FAM114A2: variants seen among roughly 807,000 people sequenced by gnomAD.
FAM114A2 encodes protein FAM114A2.
FAM114A2 carries 53 observed loss-of-function variants against 58.4 expected under a neutral mutation model. The ratio of observed to expected loss-of-function variants is 0.91; its 90% CI spans 0.73 to 1.14. FAM114A2 has a LOEUF of 1.14. FAM114A2 is among the 50% of genes most tolerant of loss of function. FAM114A2 has a pLI of 0.00. For synonymous variants in FAM114A2, 228 were observed against 211.4 expected, an observed-to-expected ratio of 1.08 and a Z score of -0.68; for missense variants, 601 against 581.1, an observed-to-expected ratio of 1.03 and a Z score of -0.35.
chr5:154,004,232 T>C (rs1330682052), intron 9 of FAM114A2, among the ~76,000 whole-genome samples: 1 of 152,190 alleles, frequency 6.6e-6, no homozygotes, highest in Non-Finnish European at 1.5e-5. Context: ...TTTTCTTTGG[T>C]TTTTGTAACC....
At position 153,992,812 on chromosome 5, in the gene FAM114A2, C is replaced by T; in HGVS notation, c.*164G>A. ...AAAGAATACTGTGAGAACCTGAATA[C>T]TTCAATCAAACACTGAAGGCAACAA... On this transcript the variant is annotated 3_prime_UTR_variant, in exon 14 of 14. Transcript: ENST00000351797. 2.0e-6 allele frequency: 1 copy of T among 507,846 alleles called. No individual in the cohort carries two copies. Among genetic ancestry groups the T allele is most frequent in the Non-Finnish European group, 3.4e-6 (1 of 290,974 alleles). The allele number at this position is 507,846 out of a possible 1,614,324, so 31.5% of individuals were successfully genotyped here. A position where few individuals can be genotyped will look rare whatever the true frequency, so the allele number is the denominator to read the frequency against.
In FAM114A2 at chr5:153,990,732, G is replaced by A. The variant is rs1769218870; in HGVS notation, c.*2244C>T. The stretch of plus-strand genomic sequence containing the variant: ...CATTTCACTTATTAAGGTTTTAAGT[G>A]AATTGGAAAGGCATATATTAGTAAT... On this transcript the variant is annotated 3_prime_UTR_variant, in exon 14 of 14. Transcript: ENST00000351797. 6.6e-6 allele frequency: 1 copy of A among 152,108 alleles called. No homozygotes were observed. Among genetic ancestry groups the A allele is most frequent in the Non-Finnish European group, 1.5e-5 (1 of 68,016 alleles). The allele number at this position is 152,108 out of a possible 1,614,324, so 9.4% of individuals were successfully genotyped here. A position where few individuals can be genotyped will look rare whatever the true frequency, so the allele number is the denominator to read the frequency against.
intron 9 of FAM114A2, among the ~76,000 whole-genome samples, chr5:154,010,146 T>C (rs558220620): frequency 6.6e-6 from 1 of 152,326 alleles, no homozygotes; most frequent in East Asian, 1.9e-4. Context: ...AAAGTGTTTA[T>C]CTATATATGT....
chr5:154,032,634 C>T (rs562956642), intron 4 of FAM114A2, among the ~76,000 whole-genome samples: 2 of 152,262 alleles, frequency 1.3e-5, no homozygotes, highest in South Asian at 2.1e-4. Context: ...TCCTGGAAAA[C>T]ATTTCCCCTC....
In FAM114A2 at chr5:153,992,279, GTAGGGT is replaced by G. The variant is rs964746320; in HGVS notation, c.*691_*696del. ...ATTTACTGGCCTTGAATCCAGTAGA[GTAGGGT>G]TCAGCTATGACATGAAGTGTGTCAT... is the stretch of plus-strand genomic sequence containing the variant. On this transcript the variant is annotated 3_prime_UTR_variant, in exon 14 of 14. Transcript: ENST00000351797. The G allele has an allele frequency of 5.3e-5, 8 of 152,198 alleles. No individual in the cohort carries two copies. The highest frequency in any genetic ancestry group is 1.9e-4 in the African/African-American group (8 of 41,444). 9.4% of individuals were successfully genotyped at this position (152,198 alleles called of 1,614,324 possible).
chr5:153,993,076 A>T lies in FAM114A2; in HGVS notation c.1418T>A (p.Phe473Tyr), dbSNP rs1471498824. Residue 473 changes from phenylalanine to tyrosine, a missense_variant, in exon 14 of 14, where the codon TTT becomes TAT. Physicochemically the swap from Phe to Tyr is conservative, Grantham distance 22 (BLOSUM62 3). Coordinates refer to ENST00000351797, the MANE Select transcript of FAM114A2 (RefSeq NM_018691.4). ...CTCTAGCACAGGTAAGAGTAGCTGA[A>T]AGGCGTCCTGGATGTAGGAGGCACT... The part of the protein sequence containing the change: ...SNSASYIQDA[F>Y]QLLLPVLEIS... 6.2e-7 allele frequency: 1 copy of T among 1,612,734 alleles called. No individual in the cohort carries two copies. Among genetic ancestry groups the T allele is most frequent in the South Asian group, 1.1e-5 (1 of 90,882 alleles).
At chr5:154,006,231 T>C (rs1770335499) in intron 9 of FAM114A2, among the ~76,000 whole-genome samples, 1 of 152,212 alleles carries the variant, frequency 6.6e-6, no homozygotes, top group African/African-American at 2.4e-5. Flanking sequence ...ACTAACACTG[T>C]GCCAGTGCTG....
intron 6 of FAM114A2, among the ~76,000 whole-genome samples, chr5:154,027,843 C>T (rs1038947100): frequency 6.6e-6 from 1 of 152,044 alleles, no homozygotes; most frequent in African/African-American, 2.4e-5. Context: ...CCCAAGGAAC[C>T]AGGTGTTTCT....
At position 154,028,227 on chromosome 5, in the gene FAM114A2, T is replaced by C. The variant is rs1771934141; in HGVS notation, c.552A>G (p.Thr184=). 6.2e-7 allele frequency: 1 copy of C among 1,611,706 alleles called. No homozygotes were observed. The highest frequency in any genetic ancestry group is 1.3e-5 in the African/African-American group (1 of 74,986). ...LDALEFIGKK[T]MDVIAEGDPG... is the part of the protein sequence containing the mutation. ...GATCCCCTTCTGCTATCACATCCATTGTCTTTTTTCCAATGAATTCTAAGG... is the reference window on the plus strand; with the variant it reads ...GATCCCCTTCTGCTATCACATCCATCGTCTTTTTTCCAATGAATTCTAAGG... Residue 184 remains threonine, a synonymous_variant, in exon 6 of 14, where the codon ACA becomes ACG. Transcript: ENST00000351797.
chr5:154,028,326 C>A, intron 5 of FAM114A2, 43 bp from the exon 6 acceptor site: 1 of 1,387,054 alleles, frequency 7.2e-7, no homozygotes, highest in South Asian at 1.4e-5. Flanking sequence ...ATTAAGAAAA[C>A]ATATTTTTAT....
intron 4 of FAM114A2, among the ~76,000 whole-genome samples, chr5:154,030,292 C>T (rs1191714020): frequency 6.6e-6 from 1 of 152,016 alleles, no homozygotes; most frequent in Non-Finnish European, 1.5e-5. Context: ...AACAAAAATC[C>T]ATTAACTTAA....
chr5:154,017,658 T>C (rs112843536), intron 8 of FAM114A2, among the ~76,000 whole-genome samples: 2,390 of 152,206 alleles, frequency 0.016, 64 homozygotes, highest in African/African-American at 0.055. Flanking sequence ...CAACAGTGCA[T>C]GGAACTTTCT....
intron 4 of FAM114A2, among the ~76,000 whole-genome samples, chr5:154,029,789 A>C (rs1220727306): frequency 6.6e-6 from 1 of 152,346 alleles, no homozygotes; most frequent in East Asian, 1.9e-4. Context: ...AATAAAATCC[A>C]GTTTTGTAAA....
chr5:153,994,877 C>A (rs377331205), intron 13 of FAM114A2, 42 bp downstream of exon 13: 2 of 1,298,484 alleles, frequency 1.5e-6, no homozygotes, highest in Non-Finnish European at 2.2e-6. Flanking sequence ...GTTAATTATA[C>A]GTAATACCTT....
chr5:153,997,533 A>G (rs946824839), intron 12 of FAM114A2, among the ~76,000 whole-genome samples: 3 of 152,192 alleles, frequency 2.0e-5, no homozygotes, highest in Admixed American at 6.5e-5. Context: ...AAAGATGCAA[A>G]GCAGCCAAAT....
Position 154,011,236 on chromosome 5 carries a change from C to CTTA in FAM114A2, c.993+2_993+4dup. The stretch of plus-strand genomic sequence containing the variant: ...AATGAAAATCACCAAGAAGCAATAA[C>CTTA]TTACCCTGGCAAGTTTCTCTGGTTT... On this transcript the variant is annotated splice_donor_region_variant and intron_variant, in intron 9 of 13. Coordinates refer to ENST00000351797, the MANE Select transcript of FAM114A2 (RefSeq NM_018691.4). The CTTA allele has an allele frequency of 6.3e-7, 1 of 1,596,526 alleles. No individual in the cohort carries two copies. Among genetic ancestry groups the CTTA allele is most frequent in the Non-Finnish European group, 8.6e-7 (1 of 1,165,304 alleles).
Position 154,034,798 on chromosome 5 carries a change from TC to T in FAM114A2, c.155del (p.Arg52AsnfsTer49), listed in dbSNP as rs374322155. The T allele has an allele frequency of 6.2e-7, 1 of 1,614,126 alleles. No individual in the cohort carries two copies. The highest frequency in any genetic ancestry group is 1.3e-5 in the African/African-American group (1 of 75,060). On this transcript the variant is annotated frameshift_variant, in exon 2 of 14. Transcript: ENST00000351797. LOFTEE classifies it high-confidence loss of function. ...KSEPVVSTRKRPETKPSSDLE... is the reference protein window; with the variant it reads ...KSEPVVSTRKXPETKPSSDLE... Reference sequence around the variant, plus strand: ...GGTCACTGGAAGGTTTGGTCTCTGGTCTTTTCCGAGTGGAAACTACAGGTTC... The same window carrying T: ...GGTCACTGGAAGGTTTGGTCTCTGGTTTTTCCGAGTGGAAACTACAGGTTC...
chr5:154,034,727 T>C lies in FAM114A2; in HGVS notation c.210+17A>G, dbSNP rs1238746355. ...ATATTTTAATAGATACCCTACTTTT[T>C]CTGTGGTCTGTGATACCTGAATAGG... On this transcript the variant is annotated intron_variant, in intron 2 of 13. Coordinates refer to ENST00000351797, the MANE Select transcript of FAM114A2 (RefSeq NM_018691.4). The C allele has an allele frequency of 1.0e-5, 16 of 1,562,702 alleles. No homozygotes were observed. The highest frequency in any genetic ancestry group is 1.7e-5 in the Admixed American group (1 of 59,724).
intron 9 of FAM114A2, among the ~76,000 whole-genome samples, chr5:154,003,177 GTA>G (rs374736542): frequency 2.4e-4 from 32 of 134,862 alleles, no homozygotes; most frequent in African/African-American, 4.1e-4. Context: ...CTAATTGGTA[GTA>G]TTTTTTTTTT....
Sources: gnomAD v4.1 joint callset for allele counts (sites outside exome capture counted in the v4.1 genomes callset) on GRCh38, gnomAD v4.1.1 for gene constraint, MANE v1.5 for transcripts, NCBI Gene and HGNC (gene_info 2026-07-23, HGNC 2026-07-21) for gene names.